CBFA2T2: variants seen among roughly 807,000 people sequenced by gnomAD.
CBFA2T2 encodes the protein CBFA2/RUNX1 partner transcriptional co-repressor 2, also known as protein CBFA2T2.
In CBFA2T2, 11 loss-of-function variants were observed where a neutral mutation model predicts 62.2. That is an observed-to-expected ratio of 0.18 (90% CI 0.11 to 0.29). CBFA2T2 has a LOEUF of 0.29. Ranked by LOEUF, CBFA2T2 falls within the 10% of genes least tolerant of loss-of-function variation. The probability of loss-of-function intolerance (pLI) is 1.00; values close to 1 mark genes in which losing one functional copy is unlikely to be tolerated. For synonymous variants in CBFA2T2, 295 were observed against 287.5 expected, an observed-to-expected ratio of 1.03 and a Z score of -0.27; for missense variants, 592 against 774.1, an observed-to-expected ratio of 0.76 and a Z score of 2.79.
intron 1 of CBFA2T2, among the ~76,000 whole-genome samples, chr20:33,569,160 C>G (rs1365807839): frequency 6.6e-6 from 1 of 152,138 alleles, no homozygotes; most frequent in African/African-American, 2.4e-5. Flanking sequence ...CCCAGTGCCC[C>G]TAGGGTGGGG....
At chr20:33,582,659 A>G (rs562934213) in intron 1 of CBFA2T2, among the ~76,000 whole-genome samples, 50 of 151,958 alleles carry the variant, frequency 3.3e-4, no homozygotes, top group Middle Eastern at 6.8e-3. Context: ...CATCTCTACT[A>G]TGCCGGGTGC....
At chr20:33,604,936 T>C (rs1601049335) in intron 1 of CBFA2T2, among the ~76,000 whole-genome samples, 1 of 152,180 alleles carries the variant, frequency 6.6e-6, no homozygotes, top group African/African-American at 2.4e-5. Context: ...GCGCAACAGC[T>C]CATTAGTCCA....
intron 1 of CBFA2T2, among the ~76,000 whole-genome samples, chr20:33,573,188 T>G (rs1047194884): frequency 9.2e-5 from 14 of 152,208 alleles, no homozygotes; most frequent in African/African-American, 3.4e-4. Flanking sequence ...TCATGGAGAT[T>G]AAATTCTAGT....
chr20:33,529,403 A>C (rs1453079806), intron 1 of CBFA2T2, among the ~76,000 whole-genome samples: 1 of 151,862 alleles, frequency 6.6e-6, no homozygotes, highest in African/African-American at 2.4e-5. Flanking sequence ...GCCTCTTTCA[A>C]CTCTGGTTTA....
intron 1 of CBFA2T2, among the ~76,000 whole-genome samples, chr20:33,492,425 A>G (rs2011153760): frequency 7.0e-6 from 1 of 142,012 alleles, no homozygotes; most frequent in African/African-American, 2.5e-5. Context: ...TAAAAAAAAA[A>G]GATTGTGTCC....
chr20:33,593,849 C>G (rs1267289038), intron 1 of CBFA2T2, among the ~76,000 whole-genome samples: 1 of 152,154 alleles, frequency 6.6e-6, no homozygotes. Flanking sequence ...TGACCTTTCC[C>G]CTTCTGTCCA....
chr20:33,554,305 T>C (rs1429251340), intron 1 of CBFA2T2, among the ~76,000 whole-genome samples: 1 of 148,888 alleles, frequency 6.7e-6, no homozygotes, highest in Non-Finnish European at 1.5e-5. Flanking sequence ...CAAGCTGGAG[T>C]GCAGAGGCAT....
intron 1 of CBFA2T2, among the ~76,000 whole-genome samples, chr20:33,495,773 C>T (rs887262919): frequency 2.0e-5 from 3 of 152,090 alleles, no homozygotes; most frequent in African/African-American, 7.2e-5. Flanking sequence ...AGGTTAAAAT[C>T]CTGGGAACCA....
intron 1 of CBFA2T2, 65 bp from the exon 2 acceptor site, chr20:33,606,891 A>C: frequency 6.5e-7 from 1 of 1,528,432 alleles, no homozygotes; most frequent in Non-Finnish European, 9.0e-7. Flanking sequence ...TTGGTATTTC[A>C]AATTGTTGTC....
At chr20:33,539,924 G>A (rs1192728433) in intron 1 of CBFA2T2, among the ~76,000 whole-genome samples, 1 of 151,928 alleles carries the variant, frequency 6.6e-6, no homozygotes, top group Non-Finnish European at 1.5e-5. Context: ...TTTCCCAAAG[G>A]CCTCCTCAAG....
chr20:33,633,140 C>T (rs866671043), intron 8 of CBFA2T2, among the ~76,000 whole-genome samples: 7 of 151,828 alleles, frequency 4.6e-5, no homozygotes, highest in African/African-American at 1.2e-4. Flanking sequence ...GGAGGCTGAA[C>T]GAGGTGGATC....
At chr20:33,579,457 G>A (rs2014004488) in intron 1 of CBFA2T2, among the ~76,000 whole-genome samples, 3 of 151,142 alleles carry the variant, frequency 2.0e-5, no homozygotes, top group Admixed American at 2.0e-4. Context: ...TTTATGGTTT[G>A]TGCTTTTTTG....
In CBFA2T2 at chr20:33,503,626, GTTTA is replaced by G. The variant is rs566515766; in HGVS notation, c.34+13335_34+13338del. On this transcript the variant is annotated intron_variant, in intron 1 of 10. Transcript: ENST00000342704. The stretch of plus-strand genomic sequence containing the variant: ...CAGTGAAATATATTCATTTTGTATG[GTTTA>G]TTTATTTATCTTTTTTTCTTGGTGC... Among the ~76,000 whole-genome samples, 40 of 152,128 alleles carry G rather than the reference GTTTA, an allele frequency of 2.6e-4. No homozygotes were observed. The South Asian group carries it at 4.4e-3, about 17-fold the overall frequency.
At chr20:33,500,456 TC>T (rs1457570531) in intron 1 of CBFA2T2, among the ~76,000 whole-genome samples, 2 of 151,922 alleles carry the variant, frequency 1.3e-5, no homozygotes, top group Non-Finnish European at 2.9e-5. Context: ...CGTCTGTAAT[TC>T]AAGCACTTTG....
chr20:33,634,373 C>T (rs1040097926), intron 8 of CBFA2T2, among the ~76,000 whole-genome samples: 2 of 151,938 alleles, frequency 1.3e-5, no homozygotes, highest in African/African-American at 4.8e-5. Flanking sequence ...ATTCTGAGAC[C>T]CAAAAATCTG....
Position 33,532,236 on chromosome 20 carries a change from C to T in CBFA2T2, c.34+41935C>T, listed in dbSNP as rs117177994. ...AGTGATGAGTATGACAGTACTTAAC[C>T]TCTAATAGATTAAGGAAATAACTGT... On this transcript the variant is annotated intron_variant, in intron 1 of 10. Coordinates refer to ENST00000342704, the MANE Select transcript of CBFA2T2 (RefSeq NM_001032999.3). 6.7e-4 allele frequency among the ~76,000 whole-genome samples: 102 copies of T among 152,240 alleles called. No homozygotes were observed. The East Asian group carries it at 0.019, about 29-fold the overall frequency.
chr20:33,535,185 C>CT (rs2012172578), intron 1 of CBFA2T2, among the ~76,000 whole-genome samples: 1 of 152,244 alleles, frequency 6.6e-6, no homozygotes, highest in African/African-American at 2.4e-5. Context: ...AGAATCTTGT[C>CT]TACAGAAATG....
chr20:33,626,653 G>A (rs772887949), intron 6 of CBFA2T2, among the ~76,000 whole-genome samples: 2 of 152,182 alleles, frequency 1.3e-5, no homozygotes, highest in Non-Finnish European at 2.9e-5. Flanking sequence ...AGCTTCCAGG[G>A]TTTCCCTAAA....
At chr20:33,516,846 A>G (rs1364697748) in intron 1 of CBFA2T2, among the ~76,000 whole-genome samples, 1 of 152,242 alleles carries the variant, frequency 6.6e-6, no homozygotes, top group African/African-American at 2.4e-5. Context: ...GAAGGACACA[A>G]AACTATTCTA....
Sources: gnomAD v4.1 joint callset for allele counts (sites outside exome capture counted in the v4.1 genomes callset) on GRCh38, gnomAD v4.1.1 for gene constraint, MANE v1.5 for transcripts, NCBI Gene and HGNC (gene_info 2026-07-23, HGNC 2026-07-21) for gene names.